The following ERAP1 variants were observed in gnomAD, a reference collection of about 807,000 sequenced individuals.
The protein encoded by ERAP1 is endoplasmic reticulum aminopeptidase 1.
ERAP1 carries 86 observed loss-of-function variants against 103.7 expected under a neutral mutation model. That is an observed-to-expected ratio of 0.83 (90% CI 0.70 to 0.99). The LOEUF is 0.99. Among genes scored for constraint, ERAP1 ranks in the 50% least tolerant of loss-of-function variants. ERAP1 has a pLI of 0.00. For synonymous variants in ERAP1, 398 were observed against 402.4 expected (o/e 0.99, Z 0.13); for missense variants, 1,009 against 1,128.4 (o/e 0.89, Z 1.52).
chr5:96,787,816 A>G (rs1337520427), intron 11 of ERAP1, among the ~76,000 whole-genome samples: 2 of 86,966 alleles, frequency 2.3e-5, no homozygotes, highest in African/African-American at 7.7e-5. Flanking sequence ...ATATATATAC[A>G]CATATATATG....
intron 11 of ERAP1, 108 bp from the exon 12 acceptor site, chr5:96,786,657 C>A (rs1776043124): frequency 4.1e-6 from 3 of 733,686 alleles, no homozygotes; most frequent in South Asian, 1.5e-5. Flanking sequence ...CAAGATAGTA[C>A]CAAAACTGCT....
chr5:96,919,242 G>T, the ERAP1 span: 1 of 152,260 alleles, frequency 6.6e-6, no homozygotes, highest in Non-Finnish European at 1.5e-5. Context: ...AGTTTGGGTG[G>T]CCATGGATGT....
chr5:96,846,431 A>G, the ERAP1 span, among the ~76,000 whole-genome samples: 2 of 152,240 alleles, frequency 1.3e-5, no homozygotes, highest in East Asian at 3.8e-4. Flanking sequence ...CAATTGAATC[A>G]GAAGCTCTAA....
the ERAP1 span, among the ~76,000 whole-genome samples, chr5:96,872,236 G>C: frequency 6.6e-6 from 1 of 151,446 alleles, no homozygotes; most frequent in African/African-American, 2.4e-5. Context: ...GGAGCCATTC[G>C]TCATTTTATT....
chr5:96,894,717 A>G, the ERAP1 span, among the ~76,000 whole-genome samples: 3 of 152,214 alleles, frequency 2.0e-5, no homozygotes, highest in East Asian at 5.8e-4. Flanking sequence ...TCAGGGGCAG[A>G]GGTTAACAAC....
the ERAP1 span, among the ~76,000 whole-genome samples, chr5:96,868,158 G>T: frequency 3.3e-5 from 5 of 152,180 alleles, no homozygotes; most frequent in Non-Finnish European, 5.9e-5. Flanking sequence ...ACATTGGAAA[G>T]AAATGTATAC....
chr5:96,852,969 C>T, the ERAP1 span, among the ~76,000 whole-genome samples: 2 of 152,110 alleles, frequency 1.3e-5, no homozygotes, highest in Non-Finnish European at 2.9e-5. Flanking sequence ...GGCAAAGTGA[C>T]AAGTAGACTG....
the ERAP1 span, chr5:96,901,582 T>C: frequency 6.2e-7 from 1 of 1,614,136 alleles, no homozygotes; most frequent in Non-Finnish European, 8.5e-7. Context: ...ATCCCCCTGC[T>C]GGTGGTTAAA....
chr5:96,896,231 T>TTC, the ERAP1 span: 11 of 603,036 alleles, frequency 1.8e-5, no homozygotes. Context: ...CAAAGGGGAA[T>TTC]ACATACAAGA....
chr5:96,840,620 G>A, the ERAP1 span, among the ~76,000 whole-genome samples: 3 of 152,092 alleles, frequency 2.0e-5, no homozygotes, highest in South Asian at 6.2e-4. Context: ...ATATATTAGA[G>A]TTACCTGAGT....
chr5:96,785,853 TC>T lies in ERAP1; in HGVS notation c.1877del (p.Gly626GlufsTer39). On this transcript the variant is annotated frameshift_variant, in exon 13 of 19. Transcript: ENST00000443439. LOFTEE classifies it high-confidence loss of function. Reference sequence around the variant, plus strand: ...CATTACTGCTGACTGCTGTGTGTGTTCCTTTTAAAAGGCCAGTCAAAGAGTC... The same window carrying T: ...CATTACTGCTGACTGCTGTGTGTGTTCTTTTAAAAGGCCAGTCAAAGAGTC... ...GWDSLTGLLK[G>X]THTAVSSNDR... The T allele has an allele frequency of 6.2e-7, 1 of 1,614,200 alleles. No homozygotes were observed. Among genetic ancestry groups the T allele is most frequent in the Non-Finnish European group, 8.5e-7 (1 of 1,180,028 alleles).
At chr5:96,854,672 G>A in the ERAP1 span, among the ~76,000 whole-genome samples, 7 of 152,220 alleles carry the variant, frequency 4.6e-5, no homozygotes, top group African/African-American at 1.7e-4. Flanking sequence ...AACACAAACA[G>A]TTAGAATCCT....
the ERAP1 span, among the ~76,000 whole-genome samples, chr5:96,914,374 C>G: frequency 5.9e-5 from 9 of 152,180 alleles, no homozygotes; most frequent in African/African-American, 1.9e-4. Context: ...CACAGCTTTG[C>G]GTAAGCAAAA....
chr5:96,866,291 G>C, the ERAP1 span, among the ~76,000 whole-genome samples: 1 of 152,136 alleles, frequency 6.6e-6, no homozygotes, highest in African/African-American at 2.4e-5. Context: ...GTGTGTACAA[G>C]CTGTTTATAC....
At chr5:96,909,559 A>G in the ERAP1 span, 3 of 1,600,762 alleles carry the variant, frequency 1.9e-6, no homozygotes, top group Middle Eastern at 1.7e-4. Flanking sequence ...CTCTCTGTTA[A>G]CCATCTCATA....
chr5:96,864,068 A>G, the ERAP1 span, among the ~76,000 whole-genome samples: 18 of 152,102 alleles, frequency 1.2e-4, no homozygotes, highest in African/African-American at 1.7e-4. Context: ...GGGTACATTC[A>G]TATACATATT....
intron 13 of ERAP1, chr5:96,784,773 ATTT>A: frequency 6.5e-6 from 1 of 152,980 alleles, no homozygotes; most frequent in Admixed American, 6.5e-5. Flanking sequence ...GAGGAAACAC[ATTT>A]TCTTCTCCAT....
intron 5 of ERAP1, among the ~76,000 whole-genome samples, chr5:96,794,392 G>A (rs1777114882): frequency 6.6e-6 from 1 of 151,894 alleles, no homozygotes; most frequent in Non-Finnish European, 1.5e-5. Flanking sequence ...GTTTTGCCAT[G>A]TTGCCCAGGC....
chr5:96,903,590 A>T, the ERAP1 span: 1 of 1,555,936 alleles, frequency 6.4e-7, no homozygotes. Context: ...GACTTCATGC[A>T]AAATAACTGA....
Sources: gnomAD v4.1 joint callset for allele counts (sites outside exome capture counted in the v4.1 genomes callset) on GRCh38, gnomAD v4.1.1 for gene constraint, MANE v1.5 for transcripts, NCBI Gene and HGNC (gene_info 2026-07-23, HGNC 2026-07-21) for gene names.